Variants in HMCN2 observed in about 807,000 individuals in gnomAD.
HMCN2 encodes hemicentin-2.
HMCN2 carries 325 observed loss-of-function variants against 377.5 expected under a neutral mutation model. The observed-to-expected ratio is 0.86, with a 90% confidence interval of 0.79 to 0.94. HMCN2 has a LOEUF of 0.94. HMCN2 is among the 40% of genes least tolerant of loss of function. HMCN2 has a pLI of 0.00. For synonymous variants in HMCN2, 2,007 were observed against 2,046.8 expected (o/e 0.98, Z 0.53); for missense variants, 4,543 against 4,725.3 (o/e 0.96, Z 1.13).
At chr9:130,293,785 A>G (rs1835946096) in intron 4 of HMCN2, among the ~76,000 whole-genome samples, 3 of 152,224 alleles carry the variant, frequency 2.0e-5, no homozygotes, top group Admixed American at 2.0e-4. Context: ...ATCCCAGGCC[A>G]GTAAGGATGA....
Position 130,358,405 on chromosome 9 carries a change from C to T in HMCN2, c.5596C>T (p.Leu1866=), listed in dbSNP as rs1456619089. The T allele has an allele frequency of 7.7e-7, 1 of 1,304,116 alleles. No individual in the cohort carries two copies. Among genetic ancestry groups the T allele is most frequent in the Non-Finnish European group, 1.0e-6 (1 of 988,876 alleles). 80.8% of individuals were successfully genotyped at this position (1,304,116 alleles called of 1,614,324 possible). ...GGNLQIEKVD[L]RDEGIYTCAA... ...TCCCCTCCAGATTGAGAAGGTGGACCTGAGGGACGAGGGCATCTACACTTG... is the reference window on the plus strand; with the variant it reads ...TCCCCTCCAGATTGAGAAGGTGGACTTGAGGGACGAGGGCATCTACACTTG... The change falls in exon 36 of 98, where the codon CTG becomes TTG. Residue 1866 remains leucine, a synonymous_variant. Transcript: ENST00000683500.
intron 82 of HMCN2, 35 bp downstream of exon 82, chr9:130,406,203 C>T: frequency 7.8e-7 from 1 of 1,285,380 alleles, no homozygotes; most frequent in Non-Finnish European, 1.0e-6. Flanking sequence ...GGACAGAGAG[C>T]CAGGACACCG....
At chr9:130,297,388 A>G (rs895712950) in intron 7 of HMCN2, among the ~76,000 whole-genome samples, 1 of 152,176 alleles carries the variant, frequency 6.6e-6, no homozygotes, top group Admixed American at 6.5e-5. Flanking sequence ...CATGCCCGCT[A>G]TGGTTCTGCT....
chr9:130,426,105 AC>A (rs932555497), intron 90 of HMCN2, among the ~76,000 whole-genome samples, 181 bp downstream of exon 90: 7 of 149,112 alleles, frequency 4.7e-5, no homozygotes, highest in Non-Finnish European at 8.9e-5. Flanking sequence ...CCATCCATCC[AC>A]CCCCCACTCC....
At chr9:130,330,478 A>G (rs1838369563) in intron 22 of HMCN2, among the ~76,000 whole-genome samples, 1 of 152,124 alleles carries the variant, frequency 6.6e-6, no homozygotes, top group Non-Finnish European at 1.5e-5. Context: ...GGGACGTGGA[A>G]CCTGACCCTG....
chr9:130,286,205 G>C lies in HMCN2; in HGVS notation c.507G>C (p.Thr169=), dbSNP rs782288231. The C allele has an allele frequency of 2.1e-6, 1 of 470,950 alleles. No individual in the cohort carries two copies. The highest frequency in any genetic ancestry group is 2.3e-5 in the Admixed American group (1 of 42,572). The allele number at this position is 470,950 out of a possible 1,614,324, so 29.2% of individuals were successfully genotyped here. Residue 169 remains threonine (T), a synonymous_variant, in exon 4 of 98, where the codon ACG becomes ACC. Coordinates refer to ENST00000683500, the MANE Select transcript of HMCN2 (RefSeq NM_001291815.2). The part of the protein sequence containing the change: ...LKQSQVVFVL[T]GDCGDRTHPG... ...TCTTCCAGGTGGTCTTTGTGCTGAC[G>C]GGGGACTGTGGCGACCGCACCCATC...
chr9:130,324,083 A>G (rs1837994716), intron 19 of HMCN2, among the ~76,000 whole-genome samples: 1 of 152,204 alleles, frequency 6.6e-6, no homozygotes, highest in South Asian at 2.1e-4. Context: ...GTGTTGGTAC[A>G]TTCACATTTC....
chr9:130,383,267 T>TC (rs1554962776), intron 56 of HMCN2, among the ~76,000 whole-genome samples: 8 of 151,600 alleles, frequency 5.3e-5, no homozygotes, highest in Non-Finnish European at 5.9e-5. Context: ...TCCACAGGGG[T>TC]GGGGGAGGCT....
chr9:130,273,491 T>C lies in HMCN2; in HGVS notation c.259+7354T>C, dbSNP rs1269318888. On this transcript the variant is annotated intron_variant, in intron 1 of 97. Coordinates refer to ENST00000683500, the MANE Select transcript of HMCN2 (RefSeq NM_001291815.2). ...ATAATGGTGATGGCTGCAGTTATCT[T>C]GTCTTGCTTTTTTTTTTTATTTTTG... Among the ~76,000 whole-genome samples, 4 of 152,168 alleles carry C rather than the reference T, an allele frequency of 2.6e-5. No individual in the cohort carries two copies. The East Asian group carries it at 7.7e-4, about 29-fold the overall frequency.
chr9:130,431,418 CT>C lies in HMCN2; in HGVS notation c.14700del (p.Glu4901ArgfsTer191), dbSNP rs1344099736. On this transcript the variant is annotated frameshift_variant, in exon 96 of 98. Coordinates refer to ENST00000683500, the MANE Select transcript of HMCN2 (RefSeq NM_001291815.2). LOFTEE classifies it high-confidence loss of function. ...CTGTGTCAGCACGCCTGCCGCAACA[CT>C]GAGGGCAGCTACCAGTGCCTGTGCC... ...RNLCQHACRNTEGSYQCLCPA... is the reference protein window; with the variant it reads ...RNLCQHACRNXEGSYQCLCPA... The C allele has an allele frequency of 1.9e-6, 3 of 1,550,170 alleles. No individual in the cohort carries two copies. The highest frequency in any genetic ancestry group is 1.7e-6 in the Non-Finnish European group (2 of 1,146,858).
chr9:130,279,305 C>T (rs551541962), intron 1 of HMCN2, among the ~76,000 whole-genome samples: 82 of 152,238 alleles, frequency 5.4e-4, no homozygotes, highest in African/African-American at 1.9e-3. Flanking sequence ...CCTCAGTTTC[C>T]ACATCTTTAG....
intron 97 of HMCN2, 38 bp from the exon 98 acceptor site, chr9:130,433,310 C>T (rs1365919821): frequency 7.2e-7 from 1 of 1,387,506 alleles, no homozygotes; most frequent in Admixed American, 3.3e-5. Context: ...CGACCGCACC[C>T]CCGAGTCCGC....
In HMCN2 at chr9:130,433,451, G is replaced by C; in HGVS notation, c.14998G>C (p.Val5000Leu). The change falls in exon 98 of 98, where the codon GTG becomes CTG. Residue 5000 changes from valine to leucine, a missense_variant. Around this residue, in one of 5 missense-constraint regions of HMCN2, gnomAD observed 1,155 missense variants for 1,157.7 expected, o/e 1.00. Coordinates refer to ENST00000683500, the MANE Select transcript of HMCN2 (RefSeq NM_001291815.2). ...CCTGGGCGTGCGCGCCCACCACGAC[G>C]TGGCCCGCCTCACCGCCTTCTCCGA... ...LPLGVRAHHDVARLTAFSEVG... is the reference protein window; with the variant it reads ...LPLGVRAHHDLARLTAFSEVG... The C allele has an allele frequency of 6.7e-7, 1 of 1,498,236 alleles. No homozygotes were observed. Among genetic ancestry groups the C allele is most frequent in the Middle Eastern group, 1.9e-4 (1 of 5,400 alleles). 92.8% of individuals were successfully genotyped at this position (1,498,236 alleles called of 1,614,324 possible).
At chr9:130,314,919 C>T (rs1837450766) in intron 15 of HMCN2, among the ~76,000 whole-genome samples, 1 of 152,092 alleles carries the variant, frequency 6.6e-6, no homozygotes, top group Non-Finnish European at 1.5e-5. Context: ...GAGGCAGAGG[C>T]AGAGTGGGGG....
At position 130,362,986 on chromosome 9, in the gene HMCN2, C is replaced by G; in HGVS notation, c.6228C>G (p.Val2076=). ...ACCGCCAGGATGTTGTCCTGCAAGT[C>G]CACAGTGAGTCTCAGACTGGGAAAG... is the stretch of plus-strand genomic sequence containing the variant. ...GEDRQDVVLQ[V]HMPPSILGEE... The change falls in exon 40 of 98, where the codon GTC becomes GTG. Residue 2076 remains valine (V), a synonymous_variant. Coordinates refer to ENST00000683500, the MANE Select transcript of HMCN2 (RefSeq NM_001291815.2). 1 of 985,936 alleles carries G rather than the reference C, an allele frequency of 1.0e-6. No homozygotes were observed. Among genetic ancestry groups the G allele is most frequent in the Non-Finnish European group, 1.2e-6 (1 of 830,002 alleles). The allele number at this position is 985,936 out of a possible 1,614,324, so 61.1% of individuals were successfully genotyped here. A position where few individuals can be genotyped will look rare whatever the true frequency, so the allele number is the denominator to read the frequency against.
rs774613996 is a variant in HMCN2 at position 130,429,655 on chromosome 9, C to T, written c.14296C>T (p.Arg4766Trp). 87 of 1,544,476 alleles carry T rather than the reference C, an allele frequency of 5.6e-5. No homozygotes were observed. Among genetic ancestry groups the T allele is most frequent in the South Asian group, 2.4e-4 (20 of 83,294 alleles). The change falls in exon 94 of 98, where the codon CGG (arginine) becomes TGG (tryptophan). Residue 4766 changes from arginine to tryptophan, a missense_variant. Coordinates refer to ENST00000683500, the MANE Select transcript of HMCN2 (RefSeq NM_001291815.2). The part of the protein sequence containing the change: ...GHRCSCPRGY[R>W]MQGPSLPCLD... ...CCGCTGCAGCTGCCCCAGGGGTTACCGGATGCAGGGCCCCAGCCTGCCCTG... is the reference window on the plus strand; with the variant it reads ...CCGCTGCAGCTGCCCCAGGGGTTACTGGATGCAGGGCCCCAGCCTGCCCTG...
chr9:130,397,733 C>T (rs1340944001), intron 74 of HMCN2, 78 bp downstream of exon 74: 4 of 1,227,230 alleles, frequency 3.3e-6, no homozygotes, highest in Non-Finnish European at 4.2e-6. Context: ...GTCACCCCAG[C>T]TGTAGGGGCC....
At chr9:130,395,494 C>T (rs7869534) in intron 71 of HMCN2, 147 bp downstream of exon 71, 39 of 659,338 alleles carry the variant, frequency 5.9e-5, no homozygotes, top group African/African-American at 3.6e-4. Context: ...TCATACCCCC[C>T]GCCATTGTCA....
In HMCN2 at chr9:130,385,569, C is replaced by A; in HGVS notation, c.9116C>A (p.Ala3039Asp). Residue 3039 changes from alanine (A) to aspartate (D), a missense_variant, in exon 60 of 98, where the codon GCC becomes GAC. Transcript: ENST00000683500. The part of the protein sequence containing the change: ...LVQLSVLVPP[A>D]FRQAPRGPQD... ...TATCTCCTGCCCCCAGTTCCCCCGG[C>A]CTTCAGGCAGGCTCCCAGAGGTCCC... 1 of 1,301,828 alleles carries A rather than the reference C, an allele frequency of 7.7e-7. No homozygotes were observed. Among genetic ancestry groups the A allele is most frequent in the Non-Finnish European group, 1.0e-6 (1 of 986,586 alleles). 80.6% of individuals were successfully genotyped at this position (1,301,828 alleles called of 1,614,324 possible). A position where few individuals can be genotyped will look rare whatever the true frequency, so the allele number is the denominator to read the frequency against.
Sources: allele counts gnomAD v4.1 joint callset (sites outside exome capture counted in the v4.1 genomes callset), GRCh38; gene constraint gnomAD v4.1.1; regional missense constraint gnomAD v4.1.1; transcripts MANE v1.5; gene names NCBI Gene and HGNC (gene_info 2026-07-23, HGNC 2026-07-21).